The following CEP152 variants were observed in gnomAD, a reference collection of about 807,000 sequenced individuals.
The protein encoded by CEP152 is centrosomal protein 152.
In CEP152, 132 loss-of-function variants were observed where a neutral mutation model predicts 188.9. The ratio of observed to expected loss-of-function variants is 0.70; its 90% CI spans 0.61 to 0.81. The LOEUF is 0.81. CEP152 is among the 30% of genes least tolerant of loss of function. The pLI, the probability that CEP152 is intolerant of heterozygous loss-of-function variation, is 0.00. For synonymous variants in CEP152, 649 were observed against 666.6 expected, an observed-to-expected ratio of 0.97 and a Z score of 0.41; for missense variants, 1,914 against 1,969.8, an observed-to-expected ratio of 0.97 and a Z score of 0.54.
At chr15:48,775,586 A>T (rs1016945185) in intron 12 of CEP152, among the ~76,000 whole-genome samples, 3 of 152,108 alleles carry the variant, frequency 2.0e-5, no homozygotes, top group African/African-American at 7.2e-5. Flanking sequence ...AAGGAAACAG[A>T]CTCTGTCAGC....
chr15:48,788,801 C>T lies in CEP152; in HGVS notation c.1173G>A (p.Gln391=), dbSNP rs1380606654. ...GTTGCTCATTTGAAATCATCCCAAC[C>T]TGTTCTTTAAGTGCGGTGACTGTGG... ...LDATVTALKE[Q]EDICSRLKDH... is the part of the protein sequence containing the mutation. Residue 391 remains glutamine, a splice_region_variant and synonymous_variant, in exon 9 of 27, where the codon CAG becomes CAA. Transcript: ENST00000380950. 5.0e-6 allele frequency: 8 copies of T among 1,613,768 alleles called. No homozygotes were observed. The African/African-American group carries it at 1.1e-4, about 22-fold the overall frequency.
intron 20 of CEP152, 52 bp from the exon 21 acceptor site, chr15:48,752,521 T>C (rs749926636): frequency 6.3e-7 from 1 of 1,584,890 alleles, no homozygotes; most frequent in South Asian, 1.2e-5. Context: ...TTTATACAAT[T>C]TTATATTTAA....
In CEP152 at chr15:48,739,364, TAAAA is replaced by T; in HGVS notation, c.4094-80_4094-77del. 3.4e-6 allele frequency: 5 copies of T among 1,457,714 alleles called. No homozygotes were observed. In the South Asian group the frequency reaches 6.0e-5, roughly 17 times the overall value. 90.3% of individuals were successfully genotyped at this position (1,457,714 alleles called of 1,614,324 possible). Reference sequence around the variant, plus strand: ...GAAGATTCATCCTTGAACAAAAAAATAAAAAAAATTAAAAATAAGAAAAAATTTA... The same window carrying T: ...GAAGATTCATCCTTGAACAAAAAAATAAAATTAAAAATAAGAAAAAATTTA... On this transcript the variant is annotated intron_variant, in intron 26 of 26. Transcript: ENST00000380950.
chr15:48,781,424 G>A (rs1391905426), intron 11 of CEP152, 65 bp from the exon 12 acceptor site: 1 of 1,386,446 alleles, frequency 7.2e-7, no homozygotes, highest in Non-Finnish European at 1.0e-6. Flanking sequence ...CAGTCATTCT[G>A]TTTCAAAATT....
Position 48,797,341 on chromosome 15 carries a change from T to C in CEP152, c.500A>G (p.Asn167Ser), listed in dbSNP as rs1464116157. The C allele has an allele frequency of 2.8e-5, 45 of 1,613,970 alleles. No homozygotes were observed. Among genetic ancestry groups the C allele is most frequent in the Non-Finnish European group, 3.7e-5 (44 of 1,179,984 alleles). Residue 167 changes from asparagine to serine, a missense_variant, in exon 5 of 27, where the codon AAT (asparagine) becomes AGT (serine). Transcript: ENST00000380950. ...QKQEFNNQAT[N>S]VIKFSDPQWN... ...TTGAGGATCTGAAAATTTAATTACA[T>C]TGGTTGCTTGGTTATTAAATTCCTG...
At chr15:48,796,219 A>G (rs1897281777) in intron 5 of CEP152, 59 bp from the exon 6 acceptor site, 1 of 1,585,658 alleles carries the variant, frequency 6.3e-7, no homozygotes, top group African/African-American at 1.3e-5. Context: ...AAATTATCTG[A>G]ATTAGACACC....
At chr15:48,749,506 T>A (rs1893720791) in intron 21 of CEP152, among the ~76,000 whole-genome samples, 1 of 151,972 alleles carries the variant, frequency 6.6e-6, no homozygotes, top group Non-Finnish European at 1.5e-5. Context: ...GTGAAGAAAT[T>A]AGACAACATA....
chr15:48,805,439 T>C (rs531424958), intron 2 of CEP152, 124 bp downstream of exon 2: 1 of 1,174,610 alleles, frequency 8.5e-7, no homozygotes, highest in Admixed American at 3.3e-5. Flanking sequence ...TTTAGGGTTG[T>C]TTTTTTTTTA....
chr15:48,744,333 C>A lies in CEP152; in HGVS notation c.3742G>T (p.Ala1248Ser), dbSNP rs761611682. The change falls in exon 24 of 27, where the codon GCA becomes TCA. Residue 1248 changes from alanine to serine, a missense_variant. By Grantham distance (99) the Ala-to-Ser change is moderately conservative (BLOSUM62 1). Coordinates refer to ENST00000380950, the MANE Select transcript of CEP152 (RefSeq NM_001194998.2). Reference sequence around the variant, plus strand: ...AGGCAAGCATTTTCAATGGCCCCTGCTGACAATGACCTAAAAAACAAACCA... The same window carrying A: ...AGGCAAGCATTTTCAATGGCCCCTGATGACAATGACCTAAAAAACAAACCA... ...LCKTPPRSLS[A>S]GAIENACLPC... 5.6e-6 allele frequency: 9 copies of A among 1,613,888 alleles called. No individual in the cohort carries two copies. The highest frequency in any genetic ancestry group is 1.7e-5 in the Admixed American group (1 of 59,996).
At chr15:48,807,484 A>G (rs1898056581) in intron 1 of CEP152, among the ~76,000 whole-genome samples, 1 of 151,506 alleles carries the variant, frequency 6.6e-6, no homozygotes, top group Admixed American at 6.6e-5. Flanking sequence ...GAACCCGGGA[A>G]GCGGAGCTTG....
intron 17 of CEP152, chr15:48,765,808 C>T (rs1595635986): frequency 3.6e-5 from 11 of 302,306 alleles, no homozygotes; most frequent in South Asian, 2.9e-4. Flanking sequence ...CGCGCACAAC[C>T]ATGCCCGGCT....
Position 48,805,535 on chromosome 15 carries a change from C to CT in CEP152, c.87+27dup, listed in dbSNP as rs372967874. 0.14 allele frequency: 167,191 copies of CT among 1,198,422 alleles called. 2,446 individuals are homozygous for CT. The highest frequency in any genetic ancestry group is 0.31 in the East Asian group (10,346 of 33,216). The allele number at this position is 1,198,422 out of a possible 1,614,324, so 74.2% of individuals were successfully genotyped here. On this transcript the variant is annotated intron_variant, in intron 2 of 26. Coordinates refer to ENST00000380950, the MANE Select transcript of CEP152 (RefSeq NM_001194998.2). The stretch of plus-strand genomic sequence containing the variant: ...TTGTTAAAGATTGGGTTTAGTGTCT[C>CT]TTTTTTTTTTTTTTTTTAACAACTT...
intron 2 of CEP152, among the ~76,000 whole-genome samples, chr15:48,804,042 G>A (rs1897830443): frequency 6.6e-6 from 1 of 152,332 alleles, no homozygotes; most frequent in Admixed American, 6.5e-5. Flanking sequence ...TGCCCTCAGG[G>A]CCCTGGCAGA....
rs372672217 is a variant in CEP152, at chr15:48,738,909, C to G, written c.4473G>C (p.Pro1491=). 3.5e-5 allele frequency: 57 copies of G among 1,614,040 alleles called. No individual in the cohort carries two copies. In the African/African-American group the frequency reaches 7.1e-4, roughly 20 times the overall value. Residue 1491 remains proline, a synonymous_variant, in exon 27 of 27, where the codon CCG becomes CCC. Transcript: ENST00000380950. ...CAAGAAAGGGGTATGCAGCTGAATG[C>G]GGAAGTGATTCAGAACCATTATCAC... ...LLSDNGSESL[P]HSAAYPFLGT...
chr15:48,761,381 T>C (rs79414126), intron 18 of CEP152, among the ~76,000 whole-genome samples: 3,818 of 152,236 alleles, frequency 0.025, 70 homozygotes, highest in Middle Eastern at 0.041. Flanking sequence ...GAGTGCTATC[T>C]TGTTTAAGAG....
At chr15:48,745,116 G>T in intron 22 of CEP152, 124 bp from the exon 23 acceptor site, 2 of 630,470 alleles carry the variant, frequency 3.2e-6, no homozygotes, top group Non-Finnish European at 5.2e-6. Context: ...TTTCTGTAAC[G>T]TTCATCCCCT....
chr15:48,771,936 G>C (rs1445863891), intron 13 of CEP152, among the ~76,000 whole-genome samples: 1 of 152,170 alleles, frequency 6.6e-6, no homozygotes, highest in African/African-American at 2.4e-5. Context: ...ACAGGTACTT[G>C]AAATATGGTT....
Position 48,738,933 on chromosome 15 carries a change from A to C in CEP152, c.4449T>G (p.Ser1483Arg). Reference sequence around the variant, plus strand: ...GCGGAAGTGATTCAGAACCATTATCACTGAGTAGGTCTTTCTTCTTGTGCA... The same window carrying C: ...GCGGAAGTGATTCAGAACCATTATCCCTGAGTAGGTCTTTCTTCTTGTGCA... ...FGLHKKKDLL[S>R]DNGSESLPHS... Residue 1483 changes from serine (S) to arginine (R), a missense_variant, in exon 27 of 27, where the codon AGT becomes AGG. Transcript: ENST00000380950. The C allele has an allele frequency of 6.2e-7, 1 of 1,614,114 alleles. No individual in the cohort carries two copies. Among genetic ancestry groups the C allele is most frequent in the South Asian group, 1.1e-5 (1 of 91,072 alleles).
chr15:48,757,980 C>T (rs1471990550), intron 19 of CEP152, among the ~76,000 whole-genome samples: 1 of 152,194 alleles, frequency 6.6e-6, no homozygotes, highest in Non-Finnish European at 1.5e-5. Flanking sequence ...TGAAGTTTTA[C>T]AAAGAGAATT....
Sources: allele counts gnomAD v4.1 joint callset (sites outside exome capture counted in the v4.1 genomes callset), GRCh38; gene constraint gnomAD v4.1.1; transcripts MANE v1.5; gene names NCBI Gene and HGNC (gene_info 2026-07-23, HGNC 2026-07-21).